LDLRAD3: variants seen among roughly 807,000 people sequenced by gnomAD.
LDLRAD3 encodes the protein low density lipoprotein receptor class A domain containing 3, also known as low-density lipoprotein receptor class A domain-containing protein 3.
A neutral mutation model predicts 29.4 loss-of-function variants in LDLRAD3; 20 were observed. That is an observed-to-expected ratio of 0.68 (90% confidence interval 0.48 to 0.99). The LOEUF (loss-of-function observed/expected upper bound fraction) is 0.99, where lower values mean the gene tolerates loss of function less well. Ranked by LOEUF, LDLRAD3 falls within the 50% of genes least tolerant of loss-of-function variation. The probability of loss-of-function intolerance (pLI) is 0.00; values close to 1 mark genes in which losing one functional copy is unlikely to be tolerated. For synonymous variants in LDLRAD3, 157 were observed against 192.7 expected (o/e 0.81, Z 1.53); for missense variants, 420 against 454.3 (o/e 0.92, Z 0.69).
chr11:35,953,450 T>TA (rs1452202545), intron 1 of LDLRAD3, among the ~76,000 whole-genome samples: 1 of 152,230 alleles, frequency 6.6e-6, no homozygotes, highest in East Asian at 1.9e-4. Context: ...TGTTTAATTT[T>TA]ATTGCATTAA....
rs1157137393 is a variant in LDLRAD3 at position 36,122,553 on chromosome 11, CGAT to C, written c.454+24099_454+24101del. 2.6e-5 allele frequency among the ~76,000 whole-genome samples: 4 copies of C among 152,018 alleles called. No homozygotes were observed. The South Asian group carries it at 6.2e-4, about 24-fold the overall frequency. On this transcript the variant is annotated intron_variant, in intron 4 of 5. Coordinates refer to ENST00000315571, the MANE Select transcript of LDLRAD3 (RefSeq NM_174902.4). ...TATTCGTTCTGTGGTTACTGCATGA[CGAT>C]GATGATAACAATAATAATTACTATT... is the stretch of plus-strand genomic sequence containing the variant.
At position 35,990,730 on chromosome 11, in the gene LDLRAD3, C is replaced by T. The variant is rs535621223; in HGVS notation, c.47-45373C>T. On this transcript the variant is annotated intron_variant, in intron 1 of 5. Transcript: ENST00000315571. The stretch of plus-strand genomic sequence containing the variant: ...CGTGCCTGGCCTCTGCCTCCATCTT[C>T]ACATGGTATTCTTCCCTGTCTGTGT... 8.7e-4 allele frequency among the ~76,000 whole-genome samples: 133 copies of T among 152,210 alleles called. 2 individuals are homozygous for T. Among genetic ancestry groups the T allele is most frequent in the African/African-American group, 3.2e-3 (131 of 41,542 alleles).
chr11:36,056,782 A>G (rs1476712652), intron 2 of LDLRAD3, among the ~76,000 whole-genome samples: 1 of 152,206 alleles, frequency 6.6e-6, no homozygotes, highest in Non-Finnish European at 1.5e-5. Flanking sequence ...TAAAATTAGC[A>G]GCAAGCATTC....
intron 4 of LDLRAD3, among the ~76,000 whole-genome samples, chr11:36,191,599 T>TATACACAC (rs1554972506): frequency 2.1e-5 from 2 of 93,146 alleles, no homozygotes; most frequent in African/African-American, 9.0e-5. Flanking sequence ...TATATATATA[T>TATACACAC]ACACACACAC....
At chr11:36,092,039 C>T (rs1853290362) in intron 3 of LDLRAD3, among the ~76,000 whole-genome samples, 1 of 152,072 alleles carries the variant, frequency 6.6e-6, no homozygotes, top group Non-Finnish European at 1.5e-5. Context: ...GAGAGATCTG[C>T]CACTCTGGTT....
At chr11:36,084,788 C>T (rs1046124528) in intron 3 of LDLRAD3, among the ~76,000 whole-genome samples, 3 of 152,096 alleles carry the variant, frequency 2.0e-5, no homozygotes, top group Non-Finnish European at 2.9e-5. Flanking sequence ...CTGAAAACTC[C>T]TGAATCTACC....
intron 4 of LDLRAD3, among the ~76,000 whole-genome samples, chr11:36,210,286 T>C (rs1241287535): frequency 6.6e-6 from 1 of 151,990 alleles, no homozygotes; most frequent in African/African-American, 2.4e-5. Context: ...GTAGGTCCTT[T>C]TATTCCTCTT....
chr11:36,057,833 A>T (rs531062830), intron 2 of LDLRAD3, among the ~76,000 whole-genome samples: 55 of 152,272 alleles, frequency 3.6e-4, no homozygotes, highest in South Asian at 1.5e-3. Context: ...CATTTGCGTC[A>T]CCATTTCCTT....
At chr11:36,012,439 TAAAG>T (rs1270072257) in intron 1 of LDLRAD3, among the ~76,000 whole-genome samples, 2 of 152,180 alleles carry the variant, frequency 1.3e-5, no homozygotes, top group Non-Finnish European at 2.9e-5. Context: ...CCTTTTCACT[TAAAG>T]GAAGCACTTT....
chr11:36,226,575 T>A (rs1259876508), intron 4 of LDLRAD3, among the ~76,000 whole-genome samples: 2 of 152,206 alleles, frequency 1.3e-5, no homozygotes, highest in Non-Finnish European at 2.9e-5. Context: ...AAGTTTACAG[T>A]TCAGTGATTT....
intron 4 of LDLRAD3, among the ~76,000 whole-genome samples, chr11:36,180,603 G>A (rs115892044): frequency 2.0e-5 from 3 of 152,246 alleles, no homozygotes; most frequent in Admixed American, 6.5e-5. Flanking sequence ...TGGGTGACAC[G>A]GAGCGCATGG....
chr11:36,186,903 T>A (rs1409902279), intron 4 of LDLRAD3, among the ~76,000 whole-genome samples: 3 of 152,222 alleles, frequency 2.0e-5, no homozygotes, highest in Non-Finnish European at 4.4e-5. Context: ...ACACAGTTTT[T>A]AAAAAATGAG....
chr11:36,190,907 A>G (rs1854931379), intron 4 of LDLRAD3, among the ~76,000 whole-genome samples: 1 of 152,224 alleles, frequency 6.6e-6, no homozygotes, highest in African/African-American at 2.4e-5. Context: ...TCTTCTCAAT[A>G]ACATTGGACA....
intron 4 of LDLRAD3, among the ~76,000 whole-genome samples, chr11:36,192,450 T>C (rs1284941409): frequency 6.6e-6 from 1 of 152,150 alleles, no homozygotes; most frequent in Non-Finnish European, 1.5e-5. Context: ...AGTGGTTTTT[T>C]GAAAAACCCA....
At chr11:36,194,478 G>A (rs1224109075) in intron 4 of LDLRAD3, among the ~76,000 whole-genome samples, 2 of 152,122 alleles carry the variant, frequency 1.3e-5, no homozygotes, top group Admixed American at 1.3e-4. Flanking sequence ...TATCCTCCAG[G>A]TCCTATCTCA....
chr11:36,070,488 T>C (rs1412513571), intron 2 of LDLRAD3, among the ~76,000 whole-genome samples: 1 of 152,198 alleles, frequency 6.6e-6, no homozygotes, highest in Admixed American at 6.5e-5. Context: ...AACTCCTCTA[T>C]CTGGGGTGTA....
intron 1 of LDLRAD3, among the ~76,000 whole-genome samples, chr11:35,970,139 A>G (rs1851394229): frequency 6.6e-6 from 1 of 152,188 alleles, no homozygotes; most frequent in Non-Finnish European, 1.5e-5. Context: ...TCCTCTCACA[A>G]TCATTCAAGT....
chr11:36,089,157 C>T (rs1444032510), intron 3 of LDLRAD3, among the ~76,000 whole-genome samples: 1 of 152,180 alleles, frequency 6.6e-6, no homozygotes, highest in Non-Finnish European at 1.5e-5. Flanking sequence ...GTATAGTATA[C>T]AAACTTTCAG....
intron 2 of LDLRAD3, among the ~76,000 whole-genome samples, chr11:36,053,509 G>A (rs965537269): frequency 2.0e-5 from 3 of 152,054 alleles, no homozygotes; most frequent in Admixed American, 6.6e-5. Flanking sequence ...TGTGTTGTAC[G>A]GCTGGGTAAG....
Sources: gnomAD v4.1 joint callset for allele counts (sites outside exome capture counted in the v4.1 genomes callset) on GRCh38, gnomAD v4.1.1 for gene constraint, MANE v1.5 for transcripts, NCBI Gene and HGNC (gene_info 2026-07-23, HGNC 2026-07-21) for gene names.